Variants in USP3 observed in about 807,000 individuals in gnomAD.
The protein encoded by USP3 is ubiquitin specific peptidase 3.
USP3 carries 20 observed loss-of-function variants against 72.3 expected under a neutral mutation model. That is an observed-to-expected ratio of 0.28 (90% CI 0.19 to 0.40). The LOEUF is 0.40. Among genes scored for constraint, USP3 ranks in the 10% least tolerant of loss-of-function variants. The pLI, the probability that USP3 is intolerant of heterozygous loss-of-function variation, is 1.00. For synonymous variants in USP3, 222 were observed against 225.3 expected (o/e 0.99, Z 0.13); for missense variants, 479 against 633.9 (o/e 0.76, Z 2.62).
At chr15:63,558,561 C>T (rs2066550358) in intron 6 of USP3, among the ~76,000 whole-genome samples, 1 of 150,222 alleles carries the variant, frequency 6.7e-6, no homozygotes, top group Non-Finnish European at 1.5e-5. Context: ...TCCCCCACCC[C>T]CCCGCTCTTT....
chr15:63,584,689 A>T (rs1202136791), intron 11 of USP3, among the ~76,000 whole-genome samples: 1 of 152,188 alleles, frequency 6.6e-6, no homozygotes, highest in Non-Finnish European at 1.5e-5. Flanking sequence ...ATCCAGATAC[A>T]TAATTTGCAA....
At chr15:63,516,495 C>T (rs893847170) in intron 1 of USP3, among the ~76,000 whole-genome samples, 2 of 152,080 alleles carry the variant, frequency 1.3e-5, no homozygotes, top group Admixed American at 6.5e-5. Context: ...TTGCATGGCA[C>T]ATTAAGGGAG....
intron 11 of USP3, among the ~76,000 whole-genome samples, chr15:63,583,539 A>G (rs1213808791): frequency 6.6e-6 from 1 of 152,214 alleles, no homozygotes; most frequent in Non-Finnish European, 1.5e-5. Flanking sequence ...TGTGTAATTC[A>G]GTGGCATTAA....
intron 3 of USP3, among the ~76,000 whole-genome samples, chr15:63,539,200 TGTATTTCTGCTTTAGACAACA>T (rs957831133): frequency 5.3e-5 from 8 of 152,186 alleles, no homozygotes; most frequent in African/African-American, 1.9e-4. Flanking sequence ...TCTGTGTGTT[TGTATTTCTGCTTTAGACAACA>T]GAAATTAATA....
At chr15:63,555,926 C>T (rs76462955) in intron 4 of USP3, among the ~76,000 whole-genome samples, 1,604 of 152,274 alleles carry the variant, frequency 0.011, 37 homozygotes, top group African/African-American at 0.037. Context: ...AGAGAATTGG[C>T]GGCCTTAAAA....
intron 1 of USP3, chr15:63,530,564 C>T (rs1251864381): frequency 2.2e-5 from 9 of 408,058 alleles, no homozygotes; most frequent in African/African-American, 8.7e-5. Context: ...CTGCCTGCCT[C>T]GGCCTCCCAA....
rs2067244939 is a variant in USP3, at chr15:63,593,699, T to TTC, written c.*2873_*2874insTC. The TTC allele has an allele frequency of 4.6e-5, 7 of 152,274 alleles. No homozygotes were observed. Among genetic ancestry groups the TTC allele is most frequent in the Non-Finnish European group, 1.0e-4 (7 of 68,050 alleles). The allele number at this position is 152,274 out of a possible 1,614,324, so 9.4% of individuals were successfully genotyped here. A position where few individuals can be genotyped will look rare whatever the true frequency, so the allele number is the denominator to read the frequency against. ...ATTGTGCACTTGAACAGCAGTGATGTAAATGTGCTTATTTGTGTTTTCATT... is the reference window on the plus strand; with the variant it reads ...ATTGTGCACTTGAACAGCAGTGATGTTCAAATGTGCTTATTTGTGTTTTCATT... On this transcript the variant is annotated 3_prime_UTR_variant, in exon 15 of 15. Coordinates refer to ENST00000380324, the MANE Select transcript of USP3 (RefSeq NM_006537.4).
At chr15:63,584,397 C>T (rs150148439) in intron 11 of USP3, among the ~76,000 whole-genome samples, 51 of 152,180 alleles carry the variant, frequency 3.4e-4, no homozygotes, top group Middle Eastern at 3.4e-3. Flanking sequence ...CGCACCCAGC[C>T]GGTACAAAGG....
At chr15:63,565,631 A>AGTGT in intron 8 of USP3, among the ~76,000 whole-genome samples, 1 of 152,074 alleles carries the variant, frequency 6.6e-6, no homozygotes, top group East Asian at 1.9e-4. Context: ...TATACAGACA[A>AGTGT]GTGTGTGTGT....
At chr15:63,550,270 G>T (rs916971965) in intron 3 of USP3, among the ~76,000 whole-genome samples, 1 of 152,152 alleles carries the variant, frequency 6.6e-6, no homozygotes, top group African/African-American at 2.4e-5. Context: ...CACCCAGCTC[G>T]GCCTCCCAAA....
chr15:63,591,075 A>G lies in USP3; in HGVS notation c.*249A>G, dbSNP rs560087437. On this transcript the variant is annotated 3_prime_UTR_variant, in exon 15 of 15. Coordinates refer to ENST00000380324, the MANE Select transcript of USP3 (RefSeq NM_006537.4). ...TAATTCAATTTTTATAGGTAGTTGT[A>G]AGAACTTAGTCTTATTTGACTTTTT... The G allele has an allele frequency of 1.5e-5, 6 of 395,974 alleles. No individual in the cohort carries two copies. The highest frequency in any genetic ancestry group is 2.7e-5 in the Non-Finnish European group (6 of 225,368). 24.5% of individuals were successfully genotyped at this position (395,974 alleles called of 1,614,324 possible). A position where few individuals can be genotyped will look rare whatever the true frequency, so the allele number is the denominator to read the frequency against.
chr15:63,568,867 GTAGTT>G (rs1441435843), intron 8 of USP3, among the ~76,000 whole-genome samples: 2 of 152,194 alleles, frequency 1.3e-5, no homozygotes, highest in African/African-American at 4.8e-5. Context: ...GTGATCTCAT[GTAGTT>G]TAAAGAAGAT....
rs1016061274 is a variant in USP3 at position 63,553,323 on chromosome 15, C to T, written c.285-392C>T. On this transcript the variant is annotated intron_variant, in intron 3 of 14. Coordinates refer to ENST00000380324, the MANE Select transcript of USP3 (RefSeq NM_006537.4). This position sits in a 1 kb window ranked among gnomAD's most constrained non-coding sequence, Gnocchi z 4.2. Reference sequence around the variant, plus strand: ...TTAAATCTCTCCTTCCCCCAATTCCCCATTAATTTGGGTTGGGAAGTGTCA... The same window carrying T: ...TTAAATCTCTCCTTCCCCCAATTCCTCATTAATTTGGGTTGGGAAGTGTCA... The T allele has an allele frequency of 6.5e-6, 1 of 153,956 alleles. No individual in the cohort carries two copies. Among genetic ancestry groups the T allele is most frequent in the African/African-American group, 2.4e-5 (1 of 41,520 alleles). 9.5% of individuals were successfully genotyped at this position (153,956 alleles called of 1,614,324 possible). A position where few individuals can be genotyped will look rare whatever the true frequency, so the allele number is the denominator to read the frequency against.
Position 63,588,493 on chromosome 15 carries a change from T to G in USP3, c.1215+70T>G. The G allele has an allele frequency of 8.5e-7, 1 of 1,179,434 alleles. No homozygotes were observed. Among genetic ancestry groups the G allele is most frequent in the South Asian group, 1.4e-5 (1 of 70,910 alleles). 73.1% of individuals were successfully genotyped at this position (1,179,434 alleles called of 1,614,324 possible). ...TGCTTGACTGCTAAGACCATGTCTA[T>G]AACTTTACACTATGTGAACTGTTCT... is the stretch of plus-strand genomic sequence containing the variant. On this transcript the variant is annotated intron_variant, in intron 12 of 14. Transcript: ENST00000380324. The surrounding 1 kb of genome is among the most constrained non-coding windows in gnomAD (Gnocchi z 4.6).
At chr15:63,583,434 GAC>G in intron 11 of USP3, among the ~76,000 whole-genome samples, 1 of 152,324 alleles carries the variant, frequency 6.6e-6, no homozygotes, top group East Asian at 1.9e-4. Context: ...CAGCCTGCAT[GAC>G]AGAGGAAGAA....
intron 1 of USP3, among the ~76,000 whole-genome samples, chr15:63,522,937 A>G (rs1444610500): frequency 6.6e-6 from 1 of 152,206 alleles, no homozygotes; most frequent in Non-Finnish European, 1.5e-5. Flanking sequence ...GTATTCTAAT[A>G]AAGTTTTGAC....
In USP3 at chr15:63,574,508, TGTG is replaced by T. The variant is rs1417457789; in HGVS notation, c.1096+106_1096+108del. 2.3e-6 allele frequency: 2 copies of T among 863,332 alleles called. No homozygotes were observed. The highest frequency in any genetic ancestry group is 3.3e-6 in the Non-Finnish European group (2 of 598,642). The allele number at this position is 863,332 out of a possible 1,614,324, so 53.5% of individuals were successfully genotyped here. A position where few individuals can be genotyped will look rare whatever the true frequency, so the allele number is the denominator to read the frequency against. On this transcript the variant is annotated intron_variant, in intron 11 of 14. Coordinates refer to ENST00000380324, the MANE Select transcript of USP3 (RefSeq NM_006537.4). The surrounding 1 kb of genome is among the most constrained non-coding windows in gnomAD (Gnocchi z 4.6). Reference sequence around the variant, plus strand: ...CTTTAATTAATATCTTTAATGAATCTGTGTTGTAACTTAACAAAAGTCAAACTT... The same window carrying T: ...CTTTAATTAATATCTTTAATGAATCTTTGTAACTTAACAAAAGTCAAACTT...
chr15:63,521,989 T>C (rs1290927842), intron 1 of USP3, among the ~76,000 whole-genome samples: 1 of 152,228 alleles, frequency 6.6e-6, no homozygotes, highest in Non-Finnish European at 1.5e-5. Context: ...TTGCCCAGGC[T>C]GGAGTGCAGT....
chr15:63,521,131 C>A (rs2065914839), intron 1 of USP3, among the ~76,000 whole-genome samples: 1 of 141,670 alleles, frequency 7.1e-6, no homozygotes, highest in Non-Finnish European at 1.5e-5. Flanking sequence ...AAACTAGATA[C>A]ATTCTTTTGG....
Sources: gnomAD v4.1 joint callset for allele counts (sites outside exome capture counted in the v4.1 genomes callset) on GRCh38, gnomAD v4.1.1 for gene constraint, Gnocchi (gnomAD v3.1) non-coding constraint, MANE v1.5 for transcripts, NCBI Gene and HGNC (gene_info 2026-07-23, HGNC 2026-07-21) for gene names.